IL1RAPL2: variants seen among roughly 807,000 people sequenced by gnomAD.
The protein encoded by IL1RAPL2 is interleukin 1 receptor accessory protein like 2.
In IL1RAPL2, 3 loss-of-function variants were observed where a neutral mutation model predicts 44.1. That is an observed-to-expected ratio of 0.07 (90% CI 0.03 to 0.18). The LOEUF (loss-of-function observed/expected upper bound fraction) is 0.18, where lower values mean the gene tolerates loss of function less well. Among genes scored for constraint, IL1RAPL2 ranks in the 10% least tolerant of loss-of-function variants. The pLI is 1.00. For synonymous variants in IL1RAPL2, 181 were observed against 178.8 expected (o/e 1.01, Z -0.10); for missense variants, 391 against 496.4 (o/e 0.79, Z 2.02).
At chrX:104,611,320 T>C (rs185185161) in intron 1 of IL1RAPL2, among the ~76,000 whole-genome samples, 7 of 111,524 alleles carry the variant, frequency 6.3e-5, no homozygotes, top group African/African-American at 1.3e-4. Flanking sequence ...AAGTCCCTGA[T>C]TGGGGCTGCT....
chrX:105,692,643 A>G (rs2038044343), intron 6 of IL1RAPL2, among the ~76,000 whole-genome samples: 1 of 102,283 alleles, frequency 9.8e-6, no homozygotes, highest in Non-Finnish European at 2.0e-5. Flanking sequence ...GCAGGGGCAC[A>G]CATTTCAAAG....
intron 2 of IL1RAPL2, among the ~76,000 whole-genome samples, chrX:104,944,356 A>G (rs769172432): frequency 4.5e-4 from 50 of 111,955 alleles, no homozygotes; most frequent in Non-Finnish European, 7.5e-4. Context: ...ATTATCACTC[A>G]TATTTCACAG....
intron 2 of IL1RAPL2, among the ~76,000 whole-genome samples, chrX:104,915,374 G>C: frequency 9.0e-6 from 1 of 110,956 alleles, no homozygotes; most frequent in Middle Eastern, 4.7e-3. Flanking sequence ...CTTTTGAGAA[G>C]TGTCTGTTCA....
At chrX:104,698,015 T>C (rs1431063669) in intron 2 of IL1RAPL2, among the ~76,000 whole-genome samples, 1 of 112,046 alleles carries the variant, frequency 8.9e-6, no homozygotes, top group Admixed American at 9.5e-5. Flanking sequence ...AATTCTAAGC[T>C]CACTTGCATG....
intron 5 of IL1RAPL2, among the ~76,000 whole-genome samples, chrX:105,374,917 C>T (rs1246863692): frequency 1.1e-5 from 1 of 92,714 alleles, no homozygotes; most frequent in Non-Finnish European, 2.1e-5. Flanking sequence ...CACTGCACTC[C>T]AGCCTGGGTG....
At chrX:104,963,558 C>T (rs969919215) in intron 2 of IL1RAPL2, among the ~76,000 whole-genome samples, 5 of 111,515 alleles carry the variant, frequency 4.5e-5, no homozygotes, top group African/African-American at 1.6e-4. Context: ...TCTTGTTGTG[C>T]CCTGAGGGTA....
chrX:104,948,263 A>C (rs1925452546), intron 2 of IL1RAPL2, among the ~76,000 whole-genome samples: 1 of 109,281 alleles, frequency 9.2e-6, no homozygotes, highest in Admixed American at 9.9e-5. Flanking sequence ...TTGCACATTG[A>C]TTTTATATAC....
chrX:105,047,013 C>A (rs2031848496), intron 2 of IL1RAPL2, among the ~76,000 whole-genome samples: 1 of 110,067 alleles, frequency 9.1e-6, no homozygotes, highest in South Asian at 3.9e-4. Flanking sequence ...CAGTAAAATT[C>A]CTTCCACATA....
intron 2 of IL1RAPL2, among the ~76,000 whole-genome samples, chrX:105,175,670 G>GT (rs74314457): frequency 0.012 from 1,312 of 110,297 alleles, 24 homozygotes; most frequent in African/African-American, 0.041. Flanking sequence ...AGTTACTATG[G>GT]TTTTTTTTAA....
intron 2 of IL1RAPL2, among the ~76,000 whole-genome samples, chrX:104,662,403 TTCTTCACATAACAC>T (rs1930418006): frequency 8.9e-6 from 1 of 112,113 alleles, no homozygotes; most frequent in Non-Finnish European, 1.9e-5. Flanking sequence ...GTTTTTGGTC[TTCTTCACATAACAC>T]TCCTTCAGTA....
chrX:104,793,253 C>T (rs1003077195), intron 2 of IL1RAPL2, among the ~76,000 whole-genome samples: 2 of 111,734 alleles, frequency 1.8e-5, no homozygotes, highest in African/African-American at 3.3e-5. Context: ...ATATTTTCTC[C>T]ATAAGCCCAT....
At chrX:105,010,243 C>T (rs1052515028) in intron 2 of IL1RAPL2, among the ~76,000 whole-genome samples, 2 of 111,201 alleles carry the variant, frequency 1.8e-5, no homozygotes, top group Non-Finnish European at 3.8e-5. Context: ...CAAAATAGTG[C>T]TTGGCACCTT....
intron 5 of IL1RAPL2, among the ~76,000 whole-genome samples, chrX:105,326,558 C>A (rs949324899): frequency 9.0e-6 from 1 of 111,463 alleles, no homozygotes; most frequent in Admixed American, 9.6e-5. Flanking sequence ...ACATGTAGGT[C>A]TTTGGTCCAT....
intron 2 of IL1RAPL2, among the ~76,000 whole-genome samples, chrX:105,066,385 C>A (rs748583545): frequency 1.8e-5 from 2 of 111,523 alleles, no homozygotes; most frequent in East Asian, 5.7e-4. Flanking sequence ...TACAGTAGTA[C>A]CAACTGTGAT....
At chrX:104,731,765 G>A (rs1411936618) in intron 2 of IL1RAPL2, among the ~76,000 whole-genome samples, 1 of 111,796 alleles carries the variant, frequency 8.9e-6, no homozygotes, top group Admixed American at 9.5e-5. Flanking sequence ...AAAAATCAGT[G>A]CTTATGTTAA....
intron 6 of IL1RAPL2, among the ~76,000 whole-genome samples, chrX:105,597,912 A>C (rs1053951640): frequency 1.8e-5 from 2 of 111,785 alleles, no homozygotes; most frequent in Non-Finnish European, 3.8e-5. Flanking sequence ...TTTCAAAAAA[A>C]TTAAAAATAG....
intron 2 of IL1RAPL2, among the ~76,000 whole-genome samples, chrX:105,037,750 T>A (rs1275687273): frequency 8.9e-6 from 1 of 111,936 alleles, no homozygotes; most frequent in Non-Finnish European, 1.9e-5. Flanking sequence ...CTGCTCTCTC[T>A]TCTATTAAAT....
chrX:104,960,123 G>A (rs2029977639), intron 2 of IL1RAPL2, among the ~76,000 whole-genome samples: 1 of 112,036 alleles, frequency 8.9e-6, no homozygotes, highest in Non-Finnish European at 1.9e-5. Context: ...TTAAGTCAGT[G>A]AAAGGGTTCA....
Position 104,773,075 on chromosome X carries a change from G to A in IL1RAPL2, c.82+114080G>A, listed in dbSNP as rs192551594. On this transcript the variant is annotated intron_variant, in intron 2 of 10. Coordinates refer to ENST00000372582, the MANE Select transcript of IL1RAPL2 (RefSeq NM_017416.2). The stretch of plus-strand genomic sequence containing the variant: ...CAGGTATGTGTCACCACACCTGGTT[G>A]ACTTTTAAATTTTTGTAGAGACAGG... Among the ~76,000 whole-genome samples, 3 of 110,463 alleles carry A rather than the reference G, an allele frequency of 2.7e-5. No individual in the cohort carries two copies. In the East Asian group the frequency reaches 8.7e-4, roughly 32 times the overall value.
Sources: allele counts gnomAD v4.1 joint callset (sites outside exome capture counted in the v4.1 genomes callset), GRCh38; gene constraint gnomAD v4.1.1; transcripts MANE v1.5; gene names NCBI Gene and HGNC (gene_info 2026-07-23, HGNC 2026-07-21).